Variants in ST6GAL2 observed in about 807,000 individuals in gnomAD.
ST6GAL2 encodes ST6 beta-galactoside alpha-2,6-sialyltransferase 2, also known as beta-galactoside alpha-2,6-sialyltransferase 2.
In ST6GAL2, 24 loss-of-function variants were observed where a neutral mutation model predicts 37.5. That is an observed-to-expected ratio of 0.64 (90% confidence interval 0.46 to 0.90). The LOEUF (loss-of-function observed/expected upper bound fraction) is 0.90, where lower values mean the gene tolerates loss of function less well. Ranked by LOEUF, ST6GAL2 falls within the 40% of genes least tolerant of loss-of-function variation. The pLI is 0.00. For missense variants in ST6GAL2, 715 were observed against 712.7 expected (o/e 1.00, Z -0.04); for synonymous variants, 306 against 295.1 (o/e 1.04, Z -0.38).
intron 1 of ST6GAL2, among the ~76,000 whole-genome samples, chr2:106,868,066 G>A (rs529819864): frequency 1.3e-5 from 2 of 152,266 alleles, no homozygotes; most frequent in South Asian, 2.1e-4. Context: ...TAGACATGAC[G>A]CCAATTCTAT....
At chr2:106,852,525 T>C (rs992376281) in intron 1 of ST6GAL2, among the ~76,000 whole-genome samples, 4 of 152,348 alleles carry the variant, frequency 2.6e-5, no homozygotes, top group East Asian at 1.9e-4. Flanking sequence ...CTACATCTTA[T>C]TCATTCTTGT....
intron 3 of ST6GAL2, 111 bp from the exon 4 acceptor site, chr2:106,832,777 G>C: frequency 1.4e-6 from 1 of 739,018 alleles, no homozygotes; most frequent in Non-Finnish European, 2.5e-6. Flanking sequence ...AGGTGGCTCA[G>C]ACGTTGTATT....
intron 1 of ST6GAL2, among the ~76,000 whole-genome samples, chr2:106,866,028 T>G (rs1380056627): frequency 4.6e-5 from 7 of 152,264 alleles, no homozygotes. Flanking sequence ...TGCTCAGCAG[T>G]AGAAGTGGCA....
chr2:106,861,342 C>T (rs1677788559), intron 1 of ST6GAL2, among the ~76,000 whole-genome samples: 1 of 152,210 alleles, frequency 6.6e-6, no homozygotes, highest in African/African-American at 2.4e-5. Context: ...ATCTCTTTCT[C>T]CCAATTTGTG....
At chr2:106,870,030 G>A (rs1678198658) in intron 1 of ST6GAL2, among the ~76,000 whole-genome samples, 1 of 152,186 alleles carries the variant, frequency 6.6e-6, no homozygotes, top group African/African-American at 2.4e-5. Context: ...TGACGTACCT[G>A]GGGTCTGTCT....
At chr2:106,871,374 A>G (rs1678260801) in intron 1 of ST6GAL2, among the ~76,000 whole-genome samples, 1 of 152,202 alleles carries the variant, frequency 6.6e-6, no homozygotes, top group Admixed American at 6.5e-5. Context: ...CTGTTCACTT[A>G]GGCAAAGTGT....
At chr2:106,819,066 A>G (rs2104436212) in intron 5 of ST6GAL2, among the ~76,000 whole-genome samples, 1 of 152,256 alleles carries the variant, frequency 6.6e-6, no homozygotes, top group South Asian at 2.1e-4. Context: ...AGTAAAAAGA[A>G]TAAGAAAGAA....
chr2:106,856,341 C>T (rs1677574374), intron 1 of ST6GAL2, among the ~76,000 whole-genome samples: 1 of 152,140 alleles, frequency 6.6e-6, no homozygotes, highest in Non-Finnish European at 1.5e-5. Flanking sequence ...ATCCTTCCCA[C>T]AGAAAAGGAG....
At chr2:106,809,746 C>A (rs929947995) in intron 5 of ST6GAL2, among the ~76,000 whole-genome samples, 1 of 152,132 alleles carries the variant, frequency 6.6e-6, no homozygotes, top group Non-Finnish European at 1.5e-5. Flanking sequence ...AGAAAAGTTC[C>A]AACCTATCAC....
intron 1 of ST6GAL2, among the ~76,000 whole-genome samples, chr2:106,873,425 A>G (rs1027817937): frequency 7.2e-5 from 11 of 152,244 alleles, no homozygotes; most frequent in African/African-American, 2.7e-4. Flanking sequence ...AGGCAGCATA[A>G]TAACAAAACA....
chr2:106,852,834 G>A (rs1485397370), intron 1 of ST6GAL2, among the ~76,000 whole-genome samples: 10 of 152,198 alleles, frequency 6.6e-5, no homozygotes, highest in South Asian at 2.1e-4. Flanking sequence ...CACGAGCAGC[G>A]AAGGTATCCC....
At chr2:106,879,251 T>C (rs1180187822) in intron 1 of ST6GAL2, among the ~76,000 whole-genome samples, 2 of 152,204 alleles carry the variant, frequency 1.3e-5, no homozygotes. Flanking sequence ...TGGGATATGA[T>C]GATAATACAG....
intron 5 of ST6GAL2, 119 bp from the exon 6 acceptor site, chr2:106,807,068 G>T (rs1675441856): frequency 2.5e-6 from 2 of 814,830 alleles, no homozygotes; most frequent in Non-Finnish European, 1.9e-6. Context: ...TTACTTTTTT[G>T]TTGTTGTTGC....
chr2:106,839,069 A>G (rs1676765430), intron 2 of ST6GAL2, among the ~76,000 whole-genome samples: 1 of 152,026 alleles, frequency 6.6e-6, no homozygotes, highest in Admixed American at 6.6e-5. Flanking sequence ...CAAAAAAAAC[A>G]AGAGCATTTT....
At chr2:106,885,957 C>G (rs371341783) in intron 1 of ST6GAL2, 136 bp downstream of exon 1, 1 of 152,630 alleles carries the variant, frequency 6.6e-6, no homozygotes, top group East Asian at 1.9e-4. Flanking sequence ...TCCTGCTTTT[C>G]CCCAAACCAC....
chr2:106,862,131 G>A (rs915747994), intron 1 of ST6GAL2, among the ~76,000 whole-genome samples: 72 of 152,278 alleles, frequency 4.7e-4, no homozygotes, highest in Non-Finnish European at 1.0e-4. Flanking sequence ...ATGAAATTAC[G>A]AGTGATCATT....
Position 106,843,015 on chromosome 2 carries a change from GT to G in ST6GAL2, c.943+19del, listed in dbSNP as rs1676958671. On this transcript the variant is annotated intron_variant, in intron 2 of 5. Transcript: ENST00000409382. ...CACTGGCTCAAGACAGGGCGACCTG[GT>G]CCCCCCGCTGAGACCTACCTATTTC... The G allele has an allele frequency of 7.3e-7, 1 of 1,371,452 alleles. No individual in the cohort carries two copies. 85.0% of individuals were successfully genotyped at this position (1,371,452 alleles called of 1,614,324 possible).
At chr2:106,836,825 T>C (rs1302418997) in intron 2 of ST6GAL2, among the ~76,000 whole-genome samples, 2 of 144,050 alleles carry the variant, frequency 1.4e-5, no homozygotes, top group Non-Finnish European at 3.0e-5. Context: ...TGCATGCCTG[T>C]AATCCCAGCT....
intron 5 of ST6GAL2, among the ~76,000 whole-genome samples, chr2:106,808,736 T>C (rs554232040): frequency 2.7e-4 from 41 of 152,320 alleles, no homozygotes; most frequent in African/African-American, 9.6e-4. Flanking sequence ...TTCTCCCCTG[T>C]ATAAAATCAT....
Sources: allele counts gnomAD v4.1 joint callset (sites outside exome capture counted in the v4.1 genomes callset), GRCh38; gene constraint gnomAD v4.1.1; transcripts MANE v1.5; gene names NCBI Gene and HGNC (gene_info 2026-07-23, HGNC 2026-07-21).